ME1: variants seen among roughly 807,000 people sequenced by gnomAD.
ME1 encodes the protein NADP-dependent malic enzyme.
A neutral mutation model predicts 66.4 loss-of-function variants in ME1; 74 were observed. The observed-to-expected ratio is 1.11, with a 90% CI of 0.92 to 1.35. The LOEUF (loss-of-function observed/expected upper bound fraction) is 1.35. Ranked by LOEUF, ME1 falls within the 40% of genes most tolerant of loss-of-function variation. The probability of loss-of-function intolerance (pLI) is 0.00; values close to 1 mark genes in which losing one functional copy is unlikely to be tolerated. For missense variants in ME1, 750 were observed against 694.1 expected (o/e 1.08, Z -0.90); for synonymous variants, 251 against 235.6 (o/e 1.07, Z -0.60).
chr6:83,378,658 G>GT (rs1409050468), intron 3 of ME1, among the ~76,000 whole-genome samples: 2 of 150,932 alleles, frequency 1.3e-5, no homozygotes, highest in African/African-American at 4.9e-5. Context: ...GAGAGGGAAG[G>GT]TTTTTTCTTT....
At chr6:83,321,350 C>T (rs1768169556) in intron 5 of ME1, among the ~76,000 whole-genome samples, 1 of 152,152 alleles carries the variant, frequency 6.6e-6, no homozygotes, top group Non-Finnish European at 1.5e-5. Flanking sequence ...AAGGAGCCAA[C>T]TGGTCTTGCT....
chr6:83,326,007 A>G (rs902894179), intron 5 of ME1, among the ~76,000 whole-genome samples: 64 of 151,978 alleles, frequency 4.2e-4, no homozygotes, highest in African/African-American at 1.4e-3. Flanking sequence ...ACTATACTAC[A>G]AGGCTACAGT....
At chr6:83,329,481 A>G (rs1394482310) in intron 5 of ME1, among the ~76,000 whole-genome samples, 6 of 152,304 alleles carry the variant, frequency 3.9e-5, no homozygotes, top group Admixed American at 2.0e-4. Flanking sequence ...GTGGTATATA[A>G]TAAGTATGTC....
At chr6:83,382,036 CT>C (rs554343313) in intron 3 of ME1, among the ~76,000 whole-genome samples, 42 of 148,516 alleles carry the variant, frequency 2.8e-4, no homozygotes, top group South Asian at 8.6e-4. Flanking sequence ...TTATTTTTTC[CT>C]TTTTTTTTTC....
At chr6:83,376,565 C>A (rs1769294384) in intron 3 of ME1, among the ~76,000 whole-genome samples, 1 of 151,168 alleles carries the variant, frequency 6.6e-6, no homozygotes, top group South Asian at 2.1e-4. Context: ...CTTTGGGAGG[C>A]CAAGGCGGGC....
intron 6 of ME1, among the ~76,000 whole-genome samples, chr6:83,301,385 C>A (rs1767718087): frequency 6.6e-6 from 1 of 151,616 alleles, no homozygotes; most frequent in Non-Finnish European, 1.5e-5. Context: ...CTCAGTCGCC[C>A]AGACTAGAGT....
intron 7 of ME1, among the ~76,000 whole-genome samples, chr6:83,251,111 A>G (rs1790715601): frequency 6.6e-6 from 1 of 152,220 alleles, no homozygotes; most frequent in African/African-American, 2.4e-5. Flanking sequence ...GTTAATGACA[A>G]GTTAATGATA....
intron 6 of ME1, among the ~76,000 whole-genome samples, chr6:83,278,619 C>CT (rs988709141): frequency 3.0e-4 from 44 of 145,822 alleles, no homozygotes; most frequent in Admixed American, 4.1e-4. Context: ...TGACTAGAGT[C>CT]TTTTTTTTTT....
In ME1 at chr6:83,352,085, T is replaced by C. The variant is rs1433895225; in HGVS notation, c.417A>G (p.Ala139=). ...DRGHIASVLN[A]WPEDVIKAIV... ...TTACCTTGATGACATCTTCTGGCCA[T>C]GCATTGAGAACTGAAGCAATATGCC... Residue 139 remains alanine, a synonymous_variant, in exon 4 of 14, where the codon GCA becomes GCG. Coordinates refer to ENST00000369705, the MANE Select transcript of ME1 (RefSeq NM_002395.6). The C allele has an allele frequency of 1.3e-6, 2 of 1,599,264 alleles. No individual in the cohort carries two copies. Among genetic ancestry groups the C allele is most frequent in the East Asian group, 2.3e-5 (1 of 44,242 alleles).
chr6:83,277,255 T>A (rs1204365127), intron 6 of ME1, among the ~76,000 whole-genome samples: 1 of 152,260 alleles, frequency 6.6e-6, no homozygotes, highest in African/African-American at 2.4e-5. Context: ...ATTCACTGTC[T>A]ATAAGTTGTG....
chr6:83,353,004 G>A (rs1768829321), intron 3 of ME1, among the ~76,000 whole-genome samples: 1 of 151,982 alleles, frequency 6.6e-6, no homozygotes, highest in Non-Finnish European at 1.5e-5. Context: ...TCACTTTTAT[G>A]GTATCACATC....
At chr6:83,316,252 G>A (rs78492193) in intron 5 of ME1, among the ~76,000 whole-genome samples, 2,532 of 152,112 alleles carry the variant, frequency 0.017, 25 homozygotes, top group Non-Finnish European at 0.025. Context: ...CACAGTTTAA[G>A]TTGTTTCTTA....
intron 3 of ME1, among the ~76,000 whole-genome samples, chr6:83,359,611 G>A (rs986996557): frequency 6.6e-6 from 1 of 152,158 alleles, no homozygotes; most frequent in Admixed American, 6.5e-5. Flanking sequence ...GAGTGAGCTG[G>A]AAATGCCTGA....
chr6:83,384,666 T>G (rs1769474997), intron 3 of ME1, among the ~76,000 whole-genome samples: 1 of 151,964 alleles, frequency 6.6e-6, no homozygotes, highest in Non-Finnish European at 1.5e-5. Flanking sequence ...TTTTTTCGTT[T>G]TTGTTGCAGT....
At chr6:83,396,917 G>A (rs1769743412) in intron 3 of ME1, among the ~76,000 whole-genome samples, 1 of 152,082 alleles carries the variant, frequency 6.6e-6, no homozygotes, top group Admixed American at 6.6e-5. Context: ...ATGGTGACGG[G>A]AAAACTGGTT....
intron 7 of ME1, among the ~76,000 whole-genome samples, chr6:83,246,711 A>G (rs1486692718): frequency 6.6e-6 from 1 of 152,052 alleles, no homozygotes; most frequent in East Asian, 1.9e-4. Flanking sequence ...GCACATCACT[A>G]TTTCTTCAGG....
At chr6:83,227,777 G>A (rs1327369479) in intron 10 of ME1, among the ~76,000 whole-genome samples, 4 of 152,132 alleles carry the variant, frequency 2.6e-5, no homozygotes, top group African/African-American at 4.8e-5. Context: ...TATCTAATGT[G>A]TAAACTTTCT....
rs779798727 is a variant in ME1 at position 83,253,736 on chromosome 6, T to C, written c.707A>G (p.Tyr236Cys). Reference protein sequence around the residue: ...DEFMEAVSSKYGMNCLIQFED... With the variant: ...DEFMEAVSSKCGMNCLIQFED... ...AAACTGAATAAGGCAATTCATGCCA[T>C]ACCTATGGGACAAAAACATTCATAT... Residue 236 changes from tyrosine to cysteine, a missense_variant and splice_region_variant, in exon 7 of 14, where the codon TAT becomes TGT. Transcript: ENST00000369705. 6.5e-7 allele frequency: 1 copy of C among 1,542,680 alleles called. No individual in the cohort carries two copies. Among genetic ancestry groups the C allele is most frequent in the South Asian group, 1.1e-5 (1 of 89,052 alleles).
chr6:83,407,099 C>T lies in ME1; in HGVS notation c.212+669G>A, dbSNP rs372204006. 1.5e-3 allele frequency among the ~76,000 whole-genome samples: 223 copies of T among 152,212 alleles called. 2 individuals carry two copies. Among genetic ancestry groups the T allele is most frequent in the South Asian group, 0.014 (65 of 4,806 alleles). On this transcript the variant is annotated intron_variant, in intron 2 of 13. Transcript: ENST00000369705. ...TGAGTTGGCTACCTCTTTTAACCCT[C>T]ACAACAATCTTTTCAAATAGCTGTT...
Sources: allele counts gnomAD v4.1 joint callset (sites outside exome capture counted in the v4.1 genomes callset), GRCh38; gene constraint gnomAD v4.1.1; transcripts MANE v1.5; gene names NCBI Gene and HGNC (gene_info 2026-07-23, HGNC 2026-07-21).